The following MARCHF1 variants were observed in gnomAD, a reference collection of about 807,000 sequenced individuals.
The protein encoded by MARCHF1 is E3 ubiquitin-protein ligase MARCHF1.
A neutral mutation model predicts 54.2 loss-of-function variants in MARCHF1; 40 were observed. The observed-to-expected ratio is 0.74, with a 90% CI of 0.57 to 0.96. The LOEUF is 0.96. Ranked by LOEUF, MARCHF1 falls within the 40% of genes least tolerant of loss-of-function variation. The probability of loss-of-function intolerance (pLI) is 0.00; values close to 1 mark genes in which losing one functional copy is unlikely to be tolerated. For missense variants in MARCHF1, 586 were observed against 656.5 expected (o/e 0.89, Z 1.17); for synonymous variants, 236 against 236.3 (o/e 1.00, Z 0.01).
chr4:163,613,227 C>G (rs1168957772), intron 6 of MARCHF1, 87 bp downstream of exon 6: 3 of 1,416,016 alleles, frequency 2.1e-6, no homozygotes, highest in African/African-American at 2.9e-5. Flanking sequence ...AAAGCAGAAG[C>G]AAGAGACACA....
chr4:163,646,104 G>T (rs1484739540), intron 5 of MARCHF1, among the ~76,000 whole-genome samples: 3 of 149,592 alleles, frequency 2.0e-5, no homozygotes, highest in Admixed American at 2.0e-4. Flanking sequence ...AGTTCTCATA[G>T]AGAGAATCTT....
intron 8 of MARCHF1, among the ~76,000 whole-genome samples, chr4:163,548,022 TAATC>T (rs530003542): frequency 1.7e-3 from 266 of 152,330 alleles, no homozygotes; most frequent in South Asian, 0.011. Flanking sequence ...TATTTTGAAT[TAATC>T]AGTCTTGAAC....
At chr4:164,362,201 C>T (rs993141790) in intron 1 of MARCHF1, among the ~76,000 whole-genome samples, 1 of 152,022 alleles carries the variant, frequency 6.6e-6, no homozygotes, top group African/African-American at 2.4e-5. Flanking sequence ...ATATCTAAAA[C>T]CTACAGACAT....
At position 163,829,790 on chromosome 4, in the gene MARCHF1, A is replaced by G. The variant is rs572770631; in HGVS notation, c.111+24231T>C. On this transcript the variant is annotated intron_variant, in intron 4 of 9. Transcript: ENST00000514618. ...TCTTCACAGTTCTGTACTGAAGGGA[A>G]TGTGAACAGCTATGTGAAAATTAAT... Among the ~76,000 whole-genome samples the G allele has an allele frequency of 2.0e-5, 3 of 152,324 alleles. No individual in the cohort carries two copies. In the East Asian group the frequency reaches 5.8e-4, roughly 29 times the overall value.
chr4:163,612,986 C>G lies in MARCHF1; in HGVS notation c.295G>C (p.Val99Leu). ...SEESFEYCTP[V>L]MVLSPARKES... ...TTCCTAGCAGGGCTCAGCACCATGA[C>G]AGGGGTGCAATACTCAAATGACTCT... is the stretch of plus-strand genomic sequence containing the variant. Residue 99 changes from valine to leucine, a missense_variant, in exon 7 of 10, where the codon GTC becomes CTC. Coordinates refer to ENST00000514618, the MANE Select transcript of MARCHF1 (RefSeq NM_001394959.1). 4 of 1,528,612 alleles carry G rather than the reference C, an allele frequency of 2.6e-6. No homozygotes were observed. Among genetic ancestry groups the G allele is most frequent in the Non-Finnish European group, 3.5e-6 (4 of 1,144,324 alleles). The allele number at this position is 1,528,612 out of a possible 1,614,324, so 94.7% of individuals were successfully genotyped here.
At chr4:163,861,218 G>A (rs1165278130) in intron 3 of MARCHF1, among the ~76,000 whole-genome samples, 3 of 152,088 alleles carry the variant, frequency 2.0e-5, no homozygotes, top group African/African-American at 7.2e-5. Context: ...CAAGAAAGGT[G>A]TCAATGAGCT....
At chr4:163,543,436 C>A (rs1277316153) in intron 9 of MARCHF1, among the ~76,000 whole-genome samples, 3 of 150,742 alleles carry the variant, frequency 2.0e-5, no homozygotes, top group Non-Finnish European at 2.9e-5. Context: ...TGGTGCCGTT[C>A]CCACAGGTGT....
At chr4:163,952,281 T>C (rs976526387) in intron 3 of MARCHF1, among the ~76,000 whole-genome samples, 1 of 152,196 alleles carries the variant, frequency 6.6e-6, no homozygotes, top group Non-Finnish European at 1.5e-5. Context: ...CGATACACAC[T>C]GTAGAAAATG....
Position 163,528,158 on chromosome 4 carries a change from T to G in MARCHF1, c.*590A>C, listed in dbSNP as rs777589609. The G allele has an allele frequency of 2.0e-5, 3 of 152,594 alleles. No homozygotes were observed. Among genetic ancestry groups the G allele is most frequent in the Non-Finnish European group, 4.4e-5 (3 of 68,064 alleles). The allele number at this position is 152,594 out of a possible 1,614,324, so 9.5% of individuals were successfully genotyped here. A position where few individuals can be genotyped will look rare whatever the true frequency, so the allele number is the denominator to read the frequency against. The stretch of plus-strand genomic sequence containing the variant: ...AAATATCAATGTCTTCAAATGTATA[T>G]TGCATCTATTTAAAAAAAACATGCA... On this transcript the variant is annotated 3_prime_UTR_variant, in exon 10 of 10. Coordinates refer to ENST00000514618, the MANE Select transcript of MARCHF1 (RefSeq NM_001394959.1).
chr4:163,968,826 C>T (rs1228690694), intron 3 of MARCHF1, among the ~76,000 whole-genome samples: 1 of 152,044 alleles, frequency 6.6e-6, no homozygotes, highest in African/African-American at 2.4e-5. Context: ...TAAAATGCAA[C>T]AAAATAAAGA....
chr4:163,790,100 G>GT, intron 4 of MARCHF1, among the ~76,000 whole-genome samples: 1 of 152,106 alleles, frequency 6.6e-6, no homozygotes, highest in South Asian at 2.1e-4. Flanking sequence ...AGATTTCTTT[G>GT]TAGCACTTGG....
intron 3 of MARCHF1, among the ~76,000 whole-genome samples, chr4:163,924,330 A>G (rs1751493969): frequency 6.6e-6 from 1 of 152,084 alleles, no homozygotes; most frequent in South Asian, 2.1e-4. Context: ...AGAGAAGAAC[A>G]GACTTTACAA....
intron 1 of MARCHF1, among the ~76,000 whole-genome samples, chr4:164,150,563 G>A (rs1055404180): frequency 6.6e-6 from 1 of 152,074 alleles, no homozygotes; most frequent in African/African-American, 2.4e-5. Flanking sequence ...TCTTGAGCTT[G>A]GTCCTGTTTA....
intron 2 of MARCHF1, among the ~76,000 whole-genome samples, chr4:164,089,600 G>C (rs116565316): frequency 0.013 from 2,037 of 152,080 alleles, 33 homozygotes; most frequent in African/African-American, 0.046. Flanking sequence ...CAATATTCTA[G>C]AGTTGATGCT....
In MARCHF1 at chr4:164,108,171, G is replaced by A. The variant is rs143564140; in HGVS notation, c.-248+3417C>T. Among the ~76,000 whole-genome samples the A allele has an allele frequency of 4.6e-4, 70 of 152,080 alleles. 1 individual carries two copies. The highest frequency in any genetic ancestry group is 3.4e-3 in the Middle Eastern group (1 of 294). ...TAACATGGAATCAAGACCTTTCGTG[G>A]CTTAAAGCAACTTTATCTCCTTAGC... On this transcript the variant is annotated intron_variant, in intron 2 of 9. Coordinates refer to ENST00000514618, the MANE Select transcript of MARCHF1 (RefSeq NM_001394959.1).
At chr4:163,650,158 G>A (rs1395692896) in intron 5 of MARCHF1, among the ~76,000 whole-genome samples, 2 of 151,934 alleles carry the variant, frequency 1.3e-5, no homozygotes, top group African/African-American at 4.8e-5. Flanking sequence ...ACACTGAGAA[G>A]TGTGAAGTTG....
chr4:164,174,071 C>T (rs1193614519), intron 1 of MARCHF1, among the ~76,000 whole-genome samples: 2 of 152,148 alleles, frequency 1.3e-5, no homozygotes, highest in Non-Finnish European at 2.9e-5. Flanking sequence ...AAACACTAGT[C>T]AATACTTCCT....
chr4:163,824,298 A>T (rs1431144962), intron 4 of MARCHF1, among the ~76,000 whole-genome samples: 1 of 151,988 alleles, frequency 6.6e-6, no homozygotes, highest in South Asian at 2.1e-4. Flanking sequence ...AGAGATATAG[A>T]TCAATGGAAC....
chr4:164,293,224 G>GA (rs933337320), intron 1 of MARCHF1, among the ~76,000 whole-genome samples: 64 of 147,626 alleles, frequency 4.3e-4, no homozygotes, highest in East Asian at 1.6e-3. Flanking sequence ...TTAGCATGTG[G>GA]AAAAAAAAAA....
Sources: allele counts gnomAD v4.1 joint callset (sites outside exome capture counted in the v4.1 genomes callset), GRCh38; gene constraint gnomAD v4.1.1; transcripts MANE v1.5; gene names NCBI Gene and HGNC (gene_info 2026-07-23, HGNC 2026-07-21).